The following CHRM2 variants were observed in gnomAD, a reference collection of about 807,000 sequenced individuals.
The protein encoded by CHRM2 is muscarinic acetylcholine receptor M2.
Under a neutral mutation model 25.0 loss-of-function variants are expected in CHRM2, and 8 were observed. The observed-to-expected ratio is 0.32, with a 90% confidence interval of 0.19 to 0.58. CHRM2 has a LOEUF of 0.58. Ranked by LOEUF, CHRM2 falls within the 20% of genes least tolerant of loss-of-function variation. The pLI is 0.88. For missense variants in CHRM2, 440 were observed against 567.1 expected (o/e 0.78, Z 2.28); for synonymous variants, 202 against 205.7 (o/e 0.98, Z 0.15).
At chr7:136,885,899 A>T (rs1244568006) in intron 2 of CHRM2, among the ~76,000 whole-genome samples, 1 of 152,162 alleles carries the variant, frequency 6.6e-6, no homozygotes, top group Non-Finnish European at 1.5e-5. Flanking sequence ...ACCAACACAT[A>T]GGAATGGAAC....
chr7:136,974,023 A>C (rs569940186), intron 2 of CHRM2, among the ~76,000 whole-genome samples: 1 of 152,284 alleles, frequency 6.6e-6, no homozygotes, highest in East Asian at 1.9e-4. Flanking sequence ...TGTCACTTAC[A>C]CTTTTTGCCT....
At chr7:136,963,174 GA>G (rs1397744328) in intron 2 of CHRM2, among the ~76,000 whole-genome samples, 1 of 152,076 alleles carries the variant, frequency 6.6e-6, no homozygotes, top group Non-Finnish European at 1.5e-5. Context: ...AAACAAAAAG[GA>G]AACAGAAGGT....
intron 2 of CHRM2, chr7:136,871,200 A>T (rs983071864): frequency 6.5e-6 from 1 of 153,312 alleles, no homozygotes; most frequent in Non-Finnish European, 1.5e-5. Context: ...CCCTGGGGCA[A>T]CCCGAAAGGC....
intron 2 of CHRM2, among the ~76,000 whole-genome samples, chr7:136,942,276 CGCCCCCAGTCAA>C (rs2130820930): frequency 6.6e-6 from 1 of 152,218 alleles, no homozygotes; most frequent in Non-Finnish European, 1.5e-5. Context: ...TCCAAGAAAA[CGCCCCCAGTCAA>C]GCAAACCACA....
At chr7:136,917,886 T>A (rs1798210668) in intron 2 of CHRM2, among the ~76,000 whole-genome samples, 1 of 152,090 alleles carries the variant, frequency 6.6e-6, no homozygotes, top group Non-Finnish European at 1.5e-5. Flanking sequence ...GATATGAATA[T>A]TTTGTTTTGT....
At chr7:136,917,701 C>T (rs1170035424) in intron 2 of CHRM2, among the ~76,000 whole-genome samples, 1 of 152,018 alleles carries the variant, frequency 6.6e-6, no homozygotes, top group Non-Finnish European at 1.5e-5. Context: ...CCAGAAAATA[C>T]AAGACCAGAC....
chr7:136,933,721 G>A (rs960041524), intron 2 of CHRM2, among the ~76,000 whole-genome samples: 1 of 151,980 alleles, frequency 6.6e-6, no homozygotes, highest in African/African-American at 2.4e-5. Flanking sequence ...TCCATAAAAT[G>A]GAATATTATT....
At chr7:136,922,184 A>C (rs1798485280) in intron 2 of CHRM2, among the ~76,000 whole-genome samples, 1 of 152,192 alleles carries the variant, frequency 6.6e-6, no homozygotes, top group African/African-American at 2.4e-5. Context: ...TTGCTCAAGC[A>C]GCAACTTTGG....
At chr7:136,900,741 C>T (rs1797157060) in intron 2 of CHRM2, among the ~76,000 whole-genome samples, 1 of 151,932 alleles carries the variant, frequency 6.6e-6, no homozygotes, top group African/African-American at 2.4e-5. Flanking sequence ...TATTTAAAGC[C>T]TGCTCCTAGA....
At chr7:136,968,187 C>G (rs1563096498) in intron 2 of CHRM2, among the ~76,000 whole-genome samples, 1 of 151,976 alleles carries the variant, frequency 6.6e-6, no homozygotes, top group East Asian at 1.9e-4. Flanking sequence ...AAAACTATTC[C>G]TCCTAACTGG....
In CHRM2 at chr7:137,015,019, C is replaced by A; in HGVS notation, c.154C>A (p.Arg52Ser). ...ILVMVSIKVNRHLQTVNNYFL... is the reference protein window; with the variant it reads ...ILVMVSIKVNSHLQTVNNYFL... ...AGTCATGGTTTCCATTAAAGTCAAC[C>A]GCCACCTCCAGACCGTCAACAATTA... Residue 52 changes from arginine (R) to serine (S), a missense_variant, in exon 4 of 4, where the codon CGC (arginine) becomes AGC (serine). Arg to Ser is a moderately radical substitution (Grantham distance 110, BLOSUM62 -1). Around this residue, in one of 5 missense-constraint regions of CHRM2, gnomAD observed 86 missense variants for 124.9 expected, o/e 0.69. Transcript: ENST00000680005. This position sits in a 1 kb window ranked among gnomAD's most constrained non-coding sequence, Gnocchi z 5.1. 1 of 1,613,296 alleles carries A rather than the reference C, an allele frequency of 6.2e-7. No individual in the cohort carries two copies. The highest frequency in any genetic ancestry group is 1.1e-5 in the South Asian group (1 of 91,070).
intron 2 of CHRM2, among the ~76,000 whole-genome samples, chr7:136,980,619 T>C (rs1251825422): frequency 1.3e-5 from 2 of 152,218 alleles, no homozygotes; most frequent in Non-Finnish European, 2.9e-5. Flanking sequence ...ATGCGTTCCA[T>C]CAATACCTAG....
At chr7:136,875,780 C>T (rs1184519001) in intron 2 of CHRM2, among the ~76,000 whole-genome samples, 2 of 152,192 alleles carry the variant, frequency 1.3e-5, no homozygotes, top group Admixed American at 6.5e-5. Flanking sequence ...GGCATTTCTT[C>T]ATCCTCCAAC....
At chr7:137,008,892 G>T (rs1055553936) in intron 3 of CHRM2, among the ~76,000 whole-genome samples, 45 of 152,062 alleles carry the variant, frequency 3.0e-4, no homozygotes, top group Non-Finnish European at 4.9e-4. Context: ...AATGGGGCAG[G>T]TTTTATGCCA....
intron 2 of CHRM2, among the ~76,000 whole-genome samples, chr7:136,883,907 A>T (rs1319159558): frequency 6.6e-6 from 1 of 152,134 alleles, no homozygotes; most frequent in African/African-American, 2.4e-5. Context: ...TCCTGGTTCA[A>T]TGAGTTACTC....
At chr7:136,912,402 T>C (rs1057512616) in intron 2 of CHRM2, among the ~76,000 whole-genome samples, 18 of 152,090 alleles carry the variant, frequency 1.2e-4, no homozygotes, top group African/African-American at 4.1e-4. Flanking sequence ...ATGTATATCA[T>C]AGCAAGAACA....
chr7:137,011,215 G>GTATATATATATATA (rs71176365), intron 3 of CHRM2, among the ~76,000 whole-genome samples: 2 of 134,268 alleles, frequency 1.5e-5, no homozygotes, highest in East Asian at 2.0e-4. Flanking sequence ...GTGTGTGTGT[G>GTATATATATATATA]TATATATATA....
At chr7:136,938,345 G>A (rs914018472) in intron 2 of CHRM2, 2 of 1,565,790 alleles carry the variant, frequency 1.3e-6, no homozygotes, top group Non-Finnish European at 1.7e-6. Context: ...GTCGTCGTCT[G>A]CTGCTGCAGG....
intron 3 of CHRM2, among the ~76,000 whole-genome samples, chr7:136,999,879 T>C (rs911224307): frequency 6.6e-6 from 1 of 151,648 alleles, no homozygotes; most frequent in Non-Finnish European, 1.5e-5. Context: ...ACTTATAGAG[T>C]CCAGTAATAA....
Sources: gnomAD v4.1 joint callset for allele counts (sites outside exome capture counted in the v4.1 genomes callset) on GRCh38, gnomAD v4.1.1 for gene constraint, gnomAD v4.1.1 regional missense constraint, Gnocchi (gnomAD v3.1) non-coding constraint, MANE v1.5 for transcripts, NCBI Gene and HGNC (gene_info 2026-07-23, HGNC 2026-07-21) for gene names.